The following PLPP3 variants were observed in gnomAD, a reference collection of about 807,000 sequenced individuals.
PLPP3 encodes the protein phospholipid phosphatase 3.
Under a neutral mutation model 29.6 loss-of-function variants are expected in PLPP3, and 6 were observed. That is an observed-to-expected ratio of 0.20 (90% CI 0.11 to 0.40). The LOEUF (loss-of-function observed/expected upper bound fraction) is 0.40. PLPP3 is among the 10% of genes least tolerant of loss of function. The probability of loss-of-function intolerance (pLI) is 1.00; values close to 1 mark genes in which losing one functional copy is unlikely to be tolerated. For synonymous variants in PLPP3, 152 were observed against 159.7 expected (o/e 0.95, Z 0.36); for missense variants, 308 against 407.7 (o/e 0.76, Z 2.11).
At chr1:56,570,294 GATAC>G in intron 1 of PLPP3, among the ~76,000 whole-genome samples, 1 of 152,136 alleles carries the variant, frequency 6.6e-6, no homozygotes, top group African/African-American at 2.4e-5. Context: ...GTGTTTTAGG[GATAC>G]ATAAACAGGA....
chr1:56,565,060 ATTC>A (rs1350781692), intron 1 of PLPP3, among the ~76,000 whole-genome samples: 1 of 152,258 alleles, frequency 6.6e-6, no homozygotes, highest in Non-Finnish European at 1.5e-5. Context: ...GGATTAAGCC[ATTC>A]TTCTCTATAA....
At position 56,511,780 on chromosome 1, in the gene PLPP3, A is replaced by G. The variant is rs144546808; in HGVS notation, c.810+196T>C. Among the ~76,000 whole-genome samples, 980 of 152,012 alleles carry G rather than the reference A, an allele frequency of 6.4e-3. 12 individuals carry two copies. Among genetic ancestry groups the G allele is most frequent in the African/African-American group, 0.022 (933 of 41,472 alleles). On this transcript the variant is annotated intron_variant, in intron 5 of 5. Transcript: ENST00000371250. ...CAGACCCTATCAGATCAAAACTCAC[A>G]GGCTGGGAAGAAGCAGGAATTATTC...
chr1:56,540,919 C>T (rs774499239), intron 1 of PLPP3, among the ~76,000 whole-genome samples: 1 of 152,144 alleles, frequency 6.6e-6, no homozygotes, highest in Non-Finnish European at 1.5e-5. Context: ...AATACCATCA[C>T]CATCTTTATT....
chr1:56,544,007 G>A (rs192510632), intron 1 of PLPP3, among the ~76,000 whole-genome samples: 55 of 152,192 alleles, frequency 3.6e-4, no homozygotes, highest in African/African-American at 1.2e-3. Flanking sequence ...TAGGTGCTGG[G>A]GAAAACAAAG....
At chr1:56,498,082 C>A (rs1432371234) in intron 5 of PLPP3, among the ~76,000 whole-genome samples, 2 of 151,742 alleles carry the variant, frequency 1.3e-5, no homozygotes, top group Admixed American at 1.3e-4. Context: ...TATGCTACTA[C>A]AAGAAAATGA....
Position 56,537,122 on chromosome 1 carries a change from G to A in PLPP3, c.140-10C>T. On this transcript the variant is annotated splice_polypyrimidine_tract_variant and intron_variant, in intron 1 of 5. Coordinates refer to ENST00000371250, the MANE Select transcript of PLPP3 (RefSeq NM_003713.5). ...AGGAAGGGGAGGCCCGCTGGTCCAGGTGGAACCATGGCATATACCAGAAAA... is the reference window on the plus strand; with the variant it reads ...AGGAAGGGGAGGCCCGCTGGTCCAGATGGAACCATGGCATATACCAGAAAA... 1 of 1,613,030 alleles carries A rather than the reference G, an allele frequency of 6.2e-7. No individual in the cohort carries two copies. The highest frequency in any genetic ancestry group is 8.5e-7 in the Non-Finnish European group (1 of 1,179,492).
intron 2 of PLPP3, among the ~76,000 whole-genome samples, chr1:56,529,596 G>A (rs779654801): frequency 3.3e-5 from 5 of 152,142 alleles, no homozygotes; most frequent in East Asian, 3.9e-4. Context: ...ATAATGTACT[G>A]GGTCCTGTTT....
chr1:56,554,528 C>A lies in PLPP3; in HGVS notation c.140-17416G>T, dbSNP rs193072607. On this transcript the variant is annotated intron_variant, in intron 1 of 5. Transcript: ENST00000371250. Reference sequence around the variant, plus strand: ...CGGAGCTTGCAGTGAGCAGAGATCACGCCTCTGCACTCCAGCCTGGGCGAC... The same window carrying A: ...CGGAGCTTGCAGTGAGCAGAGATCAAGCCTCTGCACTCCAGCCTGGGCGAC... Among the ~76,000 whole-genome samples the A allele has an allele frequency of 4.1e-3, 607 of 149,798 alleles. 2 individuals are homozygous for A. The highest frequency in any genetic ancestry group is 0.014 in the African/African-American group (580 of 40,662).
chr1:56,523,923 C>G, intron 3 of PLPP3, 43 bp from the exon 4 acceptor site: 6 of 1,584,544 alleles, frequency 3.8e-6, no homozygotes, highest in Non-Finnish European at 5.2e-6. Context: ...GTATTCACAT[C>G]CCTGATACAC....
At chr1:56,522,580 A>G (rs1020417301) in intron 4 of PLPP3, among the ~76,000 whole-genome samples, 1 of 152,304 alleles carries the variant, frequency 6.6e-6, no homozygotes, top group Admixed American at 6.5e-5. Flanking sequence ...TAATGTTGTC[A>G]TAAGTTGGGG....
intron 1 of PLPP3, among the ~76,000 whole-genome samples, chr1:56,568,148 A>G (rs79486091): frequency 0.048 from 7,335 of 152,248 alleles, 260 homozygotes; most frequent in Non-Finnish European, 0.079. Flanking sequence ...AGGTGGAGGA[A>G]AAATGGGGAG....
chr1:56,507,428 T>C (rs1645710976), intron 5 of PLPP3, among the ~76,000 whole-genome samples: 1 of 152,232 alleles, frequency 6.6e-6, no homozygotes, highest in Admixed American at 6.5e-5. Context: ...TTGTGTCAGC[T>C]GCTGTACTAC....
intron 1 of PLPP3, among the ~76,000 whole-genome samples, chr1:56,539,664 G>C (rs1050241704): frequency 1.3e-5 from 2 of 152,168 alleles, no homozygotes; most frequent in Non-Finnish European, 2.9e-5. Context: ...ATGGAGGAGA[G>C]GGGGGCAGGG....
chr1:56,508,963 C>T (rs2100229237), intron 5 of PLPP3, among the ~76,000 whole-genome samples: 1 of 152,274 alleles, frequency 6.6e-6, no homozygotes, highest in South Asian at 2.1e-4. Context: ...TTCTTTCCTC[C>T]CAGCTGAACA....
chr1:56,499,541 C>G (rs1202171729), intron 5 of PLPP3, among the ~76,000 whole-genome samples: 1 of 152,126 alleles, frequency 6.6e-6, no homozygotes, highest in Non-Finnish European at 1.5e-5. Context: ...AGCACTCTGG[C>G]CTTGGACTTT....
At chr1:56,553,574 C>A (rs1266119598) in intron 1 of PLPP3, among the ~76,000 whole-genome samples, 1 of 152,290 alleles carries the variant, frequency 6.6e-6, no homozygotes, top group African/African-American at 2.4e-5. Context: ...GCATCTGGGG[C>A]TGGTTGCTTC....
At chr1:56,533,557 C>T (rs1216620275) in intron 2 of PLPP3, among the ~76,000 whole-genome samples, 1 of 152,102 alleles carries the variant, frequency 6.6e-6, no homozygotes, top group Non-Finnish European at 1.5e-5. Flanking sequence ...ACTTAATATC[C>T]TTGAGCCCCG....
intron 2 of PLPP3, among the ~76,000 whole-genome samples, chr1:56,530,000 A>G (rs1645877037): frequency 6.6e-6 from 1 of 152,126 alleles, no homozygotes; most frequent in South Asian, 2.1e-4. Context: ...TTGTTTTCCC[A>G]AAAGTCAGGG....
chr1:56,563,215 G>T (rs960270093), intron 1 of PLPP3, among the ~76,000 whole-genome samples: 1 of 152,150 alleles, frequency 6.6e-6, no homozygotes, highest in African/African-American at 2.4e-5. Flanking sequence ...GTCAGAAAAA[G>T]AAATGCCACA....
Sources: gnomAD v4.1 joint callset for allele counts (sites outside exome capture counted in the v4.1 genomes callset) on GRCh38, gnomAD v4.1.1 for gene constraint, MANE v1.5 for transcripts, NCBI Gene and HGNC (gene_info 2026-07-23, HGNC 2026-07-21) for gene names.